The following CPNE8 variants were observed in gnomAD, a reference collection of about 807,000 sequenced individuals.
The protein encoded by CPNE8 is copine 8.
In CPNE8, 45 loss-of-function variants were observed where a neutral mutation model predicts 81.5. That is an observed-to-expected ratio of 0.55 (90% confidence interval 0.44 to 0.71). The LOEUF is 0.71. Among genes scored for constraint, CPNE8 ranks in the 30% least tolerant of loss-of-function variants. The pLI is 0.00. For missense variants in CPNE8, 594 were observed against 672.1 expected, an observed-to-expected ratio of 0.88 and a Z score of 1.28; for synonymous variants, 252 against 226.3, an observed-to-expected ratio of 1.11 and a Z score of -1.02.
chr12:38,831,115 G>T (rs979726071), intron 5 of CPNE8, among the ~76,000 whole-genome samples: 4 of 152,132 alleles, frequency 2.6e-5, no homozygotes, highest in African/African-American at 9.7e-5. Flanking sequence ...AGCCAGTAAG[G>T]AATCAGATCA....
intron 19 of CPNE8, among the ~76,000 whole-genome samples, chr12:38,664,483 A>G (rs1471066557): frequency 1.3e-5 from 2 of 152,118 alleles, no homozygotes; most frequent in African/African-American, 4.8e-5. Flanking sequence ...AACATTAAAT[A>G]TAAGGAAGAT....
rs546479663 is a variant in CPNE8 at position 38,891,843 on chromosome 12, C to G, written c.98+13594G>C. 2.0e-5 allele frequency among the ~76,000 whole-genome samples: 3 copies of G among 152,344 alleles called. No homozygotes were observed. The South Asian group carries it at 6.2e-4, about 32-fold the overall frequency. Reference sequence around the variant, plus strand: ...TTCATTCTTCCAATCTATCAAGTGGCAAACATTTATTGAAAACCTTTCATG... The same window carrying G: ...TTCATTCTTCCAATCTATCAAGTGGGAAACATTTATTGAAAACCTTTCATG... On this transcript the variant is annotated intron_variant, in intron 1 of 19. Transcript: ENST00000331366.
intron 10 of CPNE8, among the ~76,000 whole-genome samples, chr12:38,755,494 G>A (rs941798536): frequency 6.6e-6 from 1 of 152,002 alleles, no homozygotes; most frequent in South Asian, 2.1e-4. Context: ...CAAGGATACC[G>A]CTACTGATTG....
At chr12:38,669,632 G>T (rs891496679) in intron 19 of CPNE8, among the ~76,000 whole-genome samples, 4 of 152,062 alleles carry the variant, frequency 2.6e-5, no homozygotes, top group African/African-American at 9.7e-5. Context: ...GCATTTTAAG[G>T]AAATTACTTC....
intron 13 of CPNE8, chr12:38,720,583 A>G (rs1218255440): frequency 2.9e-5 from 4 of 135,780 alleles, no homozygotes; most frequent in Admixed American, 7.8e-5. Context: ...CATGTAAAAT[A>G]TAACCAGATA....
At chr12:38,786,021 A>G (rs983658309) in intron 6 of CPNE8, among the ~76,000 whole-genome samples, 1 of 151,858 alleles carries the variant, frequency 6.6e-6, no homozygotes, top group African/African-American at 2.4e-5. Flanking sequence ...AAACAACTAG[A>G]AAAAAAATAA....
chr12:38,708,954 T>C (rs1940180647), intron 13 of CPNE8, among the ~76,000 whole-genome samples: 2 of 152,172 alleles, frequency 1.3e-5, no homozygotes, highest in Non-Finnish European at 2.9e-5. Context: ...AAACTGAACT[T>C]TGTAAATTAT....
At chr12:38,728,631 A>C (rs1940761058) in intron 11 of CPNE8, among the ~76,000 whole-genome samples, 1 of 152,172 alleles carries the variant, frequency 6.6e-6, no homozygotes, top group Non-Finnish European at 1.5e-5. Context: ...GACACCATTA[A>C]GCATAACAAC....
Position 38,698,356 on chromosome 12 carries a change from T to A in CPNE8, c.962-4518A>T, listed in dbSNP as rs369864644. On this transcript the variant is annotated intron_variant, in intron 14 of 19. Coordinates refer to ENST00000331366, the MANE Select transcript of CPNE8 (RefSeq NM_153634.3). ...AACATTTTTTCCATTTTGGGGGATG[T>A]CTTTTCATTTTCTTGATAGTGCCCT... Among the ~76,000 whole-genome samples the A allele has an allele frequency of 1.2e-4, 18 of 152,344 alleles. No individual in the cohort carries two copies. In the East Asian group the frequency reaches 2.9e-3, roughly 24 times the overall value.
intron 19 of CPNE8, among the ~76,000 whole-genome samples, chr12:38,663,151 C>G (rs537525940): frequency 6.6e-6 from 1 of 152,020 alleles, no homozygotes; most frequent in South Asian, 2.1e-4. Flanking sequence ...TTATATTAAG[C>G]TAAAATCTTC....
intron 6 of CPNE8, among the ~76,000 whole-genome samples, chr12:38,806,838 G>A (rs1345683747): frequency 2.7e-5 from 4 of 150,040 alleles, no homozygotes; most frequent in East Asian, 2.2e-4. Context: ...TGACATGCTG[G>A]TATATCTAGA....
Position 38,723,987 on chromosome 12 carries a change from A to G in CPNE8, c.853-154T>C, listed in dbSNP as rs183713950. On this transcript the variant is annotated intron_variant, in intron 12 of 19. Transcript: ENST00000331366. The stretch of plus-strand genomic sequence containing the variant: ...ATCTGCTAGGACTGATTGTTCTTAC[A>G]TTTTAAATTATCTGAAGGAAAGGGA... Among the ~76,000 whole-genome samples, 340 of 152,280 alleles carry G rather than the reference A, an allele frequency of 2.2e-3. 1 individual carries two copies. The highest frequency in any genetic ancestry group is 4.0e-3 in the Admixed American group (61 of 15,302).
intron 16 of CPNE8, among the ~76,000 whole-genome samples, chr12:38,681,013 A>C (rs1342262404): frequency 6.6e-6 from 1 of 152,048 alleles, no homozygotes. Context: ...CTCATTAGGC[A>C]CAGGAAACAA....
chr12:38,822,049 C>T (rs1943117591), intron 6 of CPNE8, among the ~76,000 whole-genome samples: 1 of 152,132 alleles, frequency 6.6e-6, no homozygotes, highest in Non-Finnish European at 1.5e-5. Flanking sequence ...TAATATCTAT[C>T]TGAAAGGCAA....
chr12:38,702,992 G>A (rs1419711734), intron 13 of CPNE8, 71 bp from the exon 14 acceptor site: 6 of 1,101,010 alleles, frequency 5.4e-6, no homozygotes, highest in Non-Finnish European at 7.9e-6. Flanking sequence ...TTCCATTTCG[G>A]TTATATTTTT....
In CPNE8 at chr12:38,653,606, GCTGTTT is replaced by G; in HGVS notation, c.*270_*275del. On this transcript the variant is annotated 3_prime_UTR_variant, in exon 20 of 20. Transcript: ENST00000331366. ...TTTCCCAACAATACATTGGAAATTA[GCTGTTT>G]CTGTTAAAAAAAAAAAGAAAGAAAG... 2 of 96,782 alleles carry G rather than the reference GCTGTTT, an allele frequency of 2.1e-5. No homozygotes were observed. Among genetic ancestry groups the G allele is most frequent in the South Asian group, 1.5e-4 (1 of 6,892 alleles). The allele number at this position is 96,782 out of a possible 1,614,324, so 6.0% of individuals were successfully genotyped here.
chr12:38,663,727 C>T (rs1939007109), intron 19 of CPNE8, among the ~76,000 whole-genome samples: 2 of 152,012 alleles, frequency 1.3e-5, no homozygotes, highest in African/African-American at 4.8e-5. Flanking sequence ...TGACCTAAGT[C>T]CATTCATTAA....
chr12:38,689,184 C>T (rs1001912045), intron 15 of CPNE8, among the ~76,000 whole-genome samples: 2 of 152,176 alleles, frequency 1.3e-5, no homozygotes, highest in Admixed American at 1.3e-4. Context: ...AACAACCTTT[C>T]CATTTATAAA....
chr12:38,665,520 T>C (rs1864438781), intron 19 of CPNE8, among the ~76,000 whole-genome samples: 1 of 152,150 alleles, frequency 6.6e-6, no homozygotes, highest in Admixed American at 6.6e-5. Flanking sequence ...TTGAATTCAT[T>C]TGGGCAAATG....
Sources: gnomAD v4.1 joint callset for allele counts (sites outside exome capture counted in the v4.1 genomes callset) on GRCh38, gnomAD v4.1.1 for gene constraint, MANE v1.5 for transcripts, NCBI Gene and HGNC (gene_info 2026-07-23, HGNC 2026-07-21) for gene names.